The following HERC2 variants were observed in gnomAD, a reference collection of about 807,000 sequenced individuals.
The protein encoded by HERC2 is E3 ubiquitin-protein ligase HERC2.
In HERC2, 102 loss-of-function variants were observed where a neutral mutation model predicts 537.7. That is an observed-to-expected ratio of 0.19 (90% CI 0.16 to 0.22). The LOEUF is 0.22. HERC2 is among the 10% of genes least tolerant of loss of function. The pLI is 1.00. For missense variants in HERC2, 4,236 were observed against 6,198.2 expected, an observed-to-expected ratio of 0.68 and a Z score of 10.63; for synonymous variants, 2,224 against 2,466.2, an observed-to-expected ratio of 0.90 and a Z score of 2.91.
intron 52 of HERC2, among the ~76,000 whole-genome samples, chr15:28,195,168 A>C (rs139758763): frequency 4.6e-5 from 7 of 152,372 alleles, no homozygotes; most frequent in Admixed American, 2.6e-4. Context: ...TACTAATAAT[A>C]GATTTAAATG....
At chr15:28,118,913 A>C (rs7494942) in intron 86 of HERC2, among the ~76,000 whole-genome samples, 31 of 152,162 alleles carry the variant, frequency 2.0e-4, no homozygotes, top group African/African-American at 7.0e-4. Flanking sequence ...GCTGAGCCAG[A>C]GCAGCCCCCA....
At chr15:28,144,620 A>T (rs1275533772) in intron 72 of HERC2, 53 bp downstream of exon 72, 1 of 1,612,648 alleles carries the variant, frequency 6.2e-7, no homozygotes, top group Non-Finnish European at 8.5e-7. Flanking sequence ...GTTGCTCCAG[A>T]AACAATCCAC....
intron 20 of HERC2, 48 bp from the exon 21 acceptor site, chr15:28,248,784 T>G: frequency 6.8e-7 from 1 of 1,468,792 alleles, no homozygotes; most frequent in South Asian, 1.2e-5. Context: ...ATATTTCTAC[T>G]AAAAAGAAAA....
rs1429578123 is a variant in HERC2, at chr15:28,176,414, G to A, written c.9686+14C>T. On this transcript the variant is annotated intron_variant, in intron 63 of 92. Transcript: ENST00000261609. This position sits in a 1 kb window ranked among gnomAD's most constrained non-coding sequence, Gnocchi z 5.0. ...ACAAGCACACACAGTGTGACAGGGA[G>A]GACGTTTACGTACCATGTCCACACC... 6.2e-7 allele frequency: 1 copy of A among 1,613,190 alleles called. No homozygotes were observed. The highest frequency in any genetic ancestry group is 8.5e-7 in the Non-Finnish European group (1 of 1,179,356).
At chr15:28,157,967 C>T (rs1464100187) in intron 69 of HERC2, among the ~76,000 whole-genome samples, 7 of 152,192 alleles carry the variant, frequency 4.6e-5, no homozygotes, top group Non-Finnish European at 1.0e-4. Context: ...TTTCAAAGAA[C>T]AACTTTATTT....
intron 3 of HERC2, among the ~76,000 whole-genome samples, chr15:28,295,424 T>C (rs1164911404): frequency 2.6e-5 from 4 of 152,110 alleles, no homozygotes; most frequent in African/African-American, 9.7e-5. Context: ...TATTTTACTT[T>C]TGTTGTTCTT....
At position 28,177,589 on chromosome 15, in the gene HERC2, T is replaced by G. The variant is rs1895418780; in HGVS notation, c.9164-80A>C. On this transcript the variant is annotated intron_variant, in intron 59 of 92. Transcript: ENST00000261609. The surrounding 1 kb of genome is among the most constrained non-coding windows in gnomAD (Gnocchi z 5.0). Reference sequence around the variant, plus strand: ...AGCATAGCTAGCTCCCTATTTTGCCTGGCATATAGCACACACTCAATGAGC... The same window carrying G: ...AGCATAGCTAGCTCCCTATTTTGCCGGGCATATAGCACACACTCAATGAGC... 2.4e-6 allele frequency: 3 copies of G among 1,261,404 alleles called. No homozygotes were observed. In the South Asian group the frequency reaches 3.6e-5, roughly 15 times the overall value. 78.1% of individuals were successfully genotyped at this position (1,261,404 alleles called of 1,614,324 possible). A position where few individuals can be genotyped will look rare whatever the true frequency, so the allele number is the denominator to read the frequency against.
chr15:28,261,601 A>C (rs1441714143), intron 15 of HERC2, among the ~76,000 whole-genome samples: 1 of 152,222 alleles, frequency 6.6e-6, no homozygotes, highest in Non-Finnish European at 1.5e-5. Context: ...GTTTCTCAAC[A>C]GTAATTTAAA....
At chr15:28,139,869 G>A (rs567694512) in intron 78 of HERC2, among the ~76,000 whole-genome samples, 42 of 150,234 alleles carry the variant, frequency 2.8e-4, no homozygotes, top group East Asian at 9.8e-4. Context: ...GACCAGCCTG[G>A]CCAATATGGC....
At chr15:28,290,654 G>A (rs1168375148) in intron 4 of HERC2, among the ~76,000 whole-genome samples, 1 of 152,114 alleles carries the variant, frequency 6.6e-6, no homozygotes. Context: ...AAATTAACAG[G>A]AGATATTTGA....
intron 37 of HERC2, among the ~76,000 whole-genome samples, chr15:28,218,918 C>T (rs1444605244): frequency 6.6e-6 from 1 of 152,056 alleles, no homozygotes; most frequent in African/African-American, 2.4e-5. Context: ...CAGCTTTGAC[C>T]TCGCAGGGTA....
At position 28,262,988 on chromosome 15, in the gene HERC2, A is replaced by G; in HGVS notation, c.2052T>C (p.Gly684=). ...KDGQVYSWGK[G]DNQRLGHGTE... Reference sequence around the variant, plus strand: ...TTCCATGTCCAAGTCTCTGGTTGTCACCTTTTCCCCATGAATAAACTTGGC... The same window carrying G: ...TTCCATGTCCAAGTCTCTGGTTGTCGCCTTTTCCCCATGAATAAACTTGGC... Residue 684 remains glycine, a synonymous_variant, in exon 15 of 93, where the codon GGT becomes GGC. Transcript: ENST00000261609. 1 of 1,614,136 alleles carries G rather than the reference A, an allele frequency of 6.2e-7. No homozygotes were observed. The highest frequency in any genetic ancestry group is 8.5e-7 in the Non-Finnish European group (1 of 1,180,032).
In HERC2 at chr15:28,182,456, A is replaced by G; in HGVS notation, c.8882T>C (p.Val2961Ala). Residue 2961 changes from valine (V) to alanine (A), a missense_variant, in exon 57 of 93, where the codon GTG becomes GCG. By Grantham distance (64) the Val-to-Ala change is moderately conservative. This residue lies in a region of HERC2 where 606 missense variants were observed against 884.5 expected (regional missense o/e 0.69). Coordinates refer to ENST00000261609, the MANE Select transcript of HERC2 (RefSeq NM_004667.6). ...LESAATIRTK[V>A]FVWGLNDKDQ... ...CTTGTCATTCAGGCCCCACACAAAC[A>G]CCTTGGTTCTTATCGTAGCTGCTGA... is the stretch of plus-strand genomic sequence containing the variant. 1 of 1,613,224 alleles carries G rather than the reference A, an allele frequency of 6.2e-7. No individual in the cohort carries two copies. Among genetic ancestry groups the G allele is most frequent in the Non-Finnish European group, 8.5e-7 (1 of 1,179,816 alleles).
rs781055487 is a variant in HERC2 at position 28,132,225 on chromosome 15, C to T, written c.12445G>A (p.Ala4149Thr). The T allele has an allele frequency of 1.9e-6, 3 of 1,613,590 alleles. No homozygotes were observed. The highest frequency in any genetic ancestry group is 2.2e-5 in the East Asian group (1 of 44,842). Residue 4149 changes from alanine to threonine, a missense_variant, in exon 81 of 93, where the codon GCC becomes ACC. Coordinates refer to ENST00000261609, the MANE Select transcript of HERC2 (RefSeq NM_004667.6). ...GTCTGGGCATCTCCACTGCCACAGGCGATGTCAACCACACGGTGGCCCTGC... is the reference window on the plus strand; with the variant it reads ...GTCTGGGCATCTCCACTGCCACAGGTGATGTCAACCACACGGTGGCCCTGC... ...ALQGHRVVDI[A>T]CGSGDAQTLC...
chr15:28,168,180 G>C (rs554971935), intron 67 of HERC2, among the ~76,000 whole-genome samples: 1 of 152,284 alleles, frequency 6.6e-6, no homozygotes, highest in Non-Finnish European at 1.5e-5. Context: ...CAGAATTGCA[G>C]ATAAAGGACT....
intron 2 of HERC2, among the ~76,000 whole-genome samples, chr15:28,300,550 C>T (rs2525953): frequency 4.2e-4 from 64 of 150,934 alleles, no homozygotes; most frequent in South Asian, 3.4e-3. Flanking sequence ...AGGCCGGCCA[C>T]GGTGGCTCAC....
intron 35 of HERC2, among the ~76,000 whole-genome samples, chr15:28,224,834 A>T (rs1266820889): frequency 6.6e-6 from 1 of 152,216 alleles, no homozygotes. Flanking sequence ...ATGAGAAATA[A>T]AAAAAAGAAA....
In HERC2 at chr15:28,186,596, C is replaced by T. The variant is rs1197190618; in HGVS notation, c.8806G>A (p.Glu2936Lys). 1 of 1,613,834 alleles carries T rather than the reference C, an allele frequency of 6.2e-7. No individual in the cohort carries two copies. The highest frequency in any genetic ancestry group is 8.5e-7 in the Non-Finnish European group (1 of 1,179,948). ...TCTCACCTTCCGCTGTTGCCTTTCTCATCCTCCTCCTCTTCATTATCCGAA... is the reference window on the plus strand; with the variant it reads ...TCTCACCTTCCGCTGTTGCCTTTCTTATCCTCCTCCTCTTCATTATCCGAA... ...LASDNEEEED[E>K]KGNSGSLIRK... is the part of the protein sequence containing the mutation. Residue 2936 changes from glutamate to lysine, a missense_variant, in exon 56 of 93, where the codon GAG (glutamate) becomes AAG (lysine). Glu to Lys is a moderately conservative substitution (Grantham distance 56). Transcript: ENST00000261609.
At position 28,318,001 on chromosome 15, in the gene HERC2, T is replaced by C. The variant is rs556153040; in HGVS notation, c.72+3361A>G. On this transcript the variant is annotated intron_variant, in intron 2 of 92. Transcript: ENST00000261609. ...AAATAGAAACTGTAGGAAATTCATC[T>C]GAGTGCAGCTTATGCAAGAAGGGGC... Among the ~76,000 whole-genome samples the C allele has an allele frequency of 2.6e-5, 4 of 152,346 alleles. No individual in the cohort carries two copies. The East Asian group carries it at 7.7e-4, about 29-fold the overall frequency.
Sources: gnomAD v4.1 joint callset for allele counts (sites outside exome capture counted in the v4.1 genomes callset) on GRCh38, gnomAD v4.1.1 for gene constraint, gnomAD v4.1.1 regional missense constraint, Gnocchi (gnomAD v3.1) non-coding constraint, MANE v1.5 for transcripts, NCBI Gene and HGNC (gene_info 2026-07-23, HGNC 2026-07-21) for gene names.